AATF: variants seen among roughly 807,000 people sequenced by gnomAD.
AATF encodes the protein protein AATF.
A neutral mutation model predicts 63.7 loss-of-function variants in AATF; 48 were observed. The ratio of observed to expected loss-of-function variants is 0.75; its 90% CI spans 0.60 to 0.96. The LOEUF (loss-of-function observed/expected upper bound fraction) is 0.96, where lower values mean the gene tolerates loss of function less well. Ranked by LOEUF, AATF falls within the 40% of genes least tolerant of loss-of-function variation. AATF has a pLI of 0.00. For missense variants in AATF, 639 were observed against 685.7 expected (o/e 0.93, Z 0.76); for synonymous variants, 258 against 247.7 (o/e 1.04, Z -0.39).
intron 11 of AATF, among the ~76,000 whole-genome samples, chr17:37,051,689 G>GACACACACACAC (rs1447795733): frequency 2.3e-4 from 27 of 118,492 alleles, no homozygotes; most frequent in African/African-American, 7.2e-4. Flanking sequence ...CAGACAGACA[G>GACACACACACAC]ACAGACAGAC....
chr17:37,046,761 ACACACACACGCATG>A (rs1414222503), intron 11 of AATF, among the ~76,000 whole-genome samples: 17 of 151,518 alleles, frequency 1.1e-4, no homozygotes, highest in Non-Finnish European at 2.1e-4. Context: ...ACACACACAC[ACACACACACGCATG>A]CACACACGCC....
chr17:37,031,599 T>C lies in AATF; in HGVS notation c.1548-15T>C, dbSNP rs1242997364. 6.2e-7 allele frequency: 1 copy of C among 1,612,152 alleles called. No individual in the cohort carries two copies. The highest frequency in any genetic ancestry group is 1.7e-5 in the Admixed American group (1 of 60,032). ...GTTACTAATGTTGCTGCCTGTTGCT[T>C]CCTGCTTTATTTAGGTTTCATGTCC... On this transcript the variant is annotated splice_polypyrimidine_tract_variant and intron_variant, in intron 10 of 11. Transcript: ENST00000619387.
intron 2 of AATF, 44 bp from the exon 3 acceptor site, chr17:36,952,842 C>T: frequency 6.3e-7 from 1 of 1,581,952 alleles, no homozygotes; most frequent in Non-Finnish European, 8.6e-7. Flanking sequence ...GTATTTTCTC[C>T]AGGTAATACC....
At chr17:37,056,502 C>A (rs754393693) in intron 11 of AATF, 99 bp from the exon 12 acceptor site, 10 of 1,240,840 alleles carry the variant, frequency 8.1e-6, no homozygotes, top group Non-Finnish European at 1.2e-5. Context: ...GTGTTTTCAA[C>A]AGAAGAAACA....
chr17:36,991,797 G>A (rs2071217602), intron 8 of AATF, among the ~76,000 whole-genome samples: 1 of 152,090 alleles, frequency 6.6e-6, no homozygotes, highest in Admixed American at 6.5e-5. Flanking sequence ...GTGTTAGCCA[G>A]GAGGGTCTCA....
intron 8 of AATF, among the ~76,000 whole-genome samples, chr17:37,004,367 A>C (rs972832474): frequency 1.3e-5 from 2 of 152,160 alleles, no homozygotes; most frequent in African/African-American, 4.8e-5. Flanking sequence ...AATTGGAGAC[A>C]GTGAGTATAG....
At chr17:36,998,333 A>T (rs998167904) in intron 8 of AATF, among the ~76,000 whole-genome samples, 5 of 152,242 alleles carry the variant, frequency 3.3e-5, no homozygotes, top group Admixed American at 3.3e-4. Context: ...CAAGTGCAGA[A>T]AATGGAGCCT....
chr17:37,015,701 G>C (rs994802159), intron 8 of AATF, among the ~76,000 whole-genome samples: 1 of 152,124 alleles, frequency 6.6e-6, no homozygotes, highest in Admixed American at 6.5e-5. Context: ...TTTGGGGGTG[G>C]GAGGGCAGAC....
chr17:37,020,196 GT>G (rs112486771), intron 9 of AATF, among the ~76,000 whole-genome samples: 2,531 of 151,702 alleles, frequency 0.017, 83 homozygotes, highest in African/African-American at 0.057. Context: ...TGTGAATCTT[GT>G]TTGGATTCTG....
At chr17:37,018,317 T>A (rs2071443203) in intron 8 of AATF, among the ~76,000 whole-genome samples, 1 of 152,228 alleles carries the variant, frequency 6.6e-6, no homozygotes, top group Non-Finnish European at 1.5e-5. Context: ...TCATTTAGAA[T>A]AACTCCCATG....
At chr17:37,041,250 TAATC>T (rs1206992218) in intron 11 of AATF, among the ~76,000 whole-genome samples, 5 of 152,224 alleles carry the variant, frequency 3.3e-5, no homozygotes, top group African/African-American at 1.2e-4. Context: ...AATAACCTAA[TAATC>T]TATTATGGAA....
chr17:36,957,600 C>T (rs2070912487), intron 4 of AATF, among the ~76,000 whole-genome samples: 1 of 152,220 alleles, frequency 6.6e-6, no homozygotes, highest in African/African-American at 2.4e-5. Flanking sequence ...CTATACCCAG[C>T]TACTACCTCC....
intron 8 of AATF, among the ~76,000 whole-genome samples, chr17:37,017,349 C>T (rs1234037093): frequency 3.3e-5 from 5 of 152,002 alleles, no homozygotes; most frequent in Admixed American, 3.3e-4. Flanking sequence ...ATTAACCACT[C>T]CCCCTCACTC....
chr17:36,988,285 C>T (rs1300641888), intron 5 of AATF, among the ~76,000 whole-genome samples: 1 of 152,088 alleles, frequency 6.6e-6, no homozygotes, highest in African/African-American at 2.4e-5. Flanking sequence ...CACTGCACTC[C>T]AGCCTGGGCA....
intron 8 of AATF, among the ~76,000 whole-genome samples, chr17:37,000,395 G>A (rs941904725): frequency 9.2e-5 from 14 of 152,154 alleles, no homozygotes; most frequent in Admixed American, 8.5e-4. Context: ...AGCTAGTTTG[G>A]AAGATAAATC....
intron 1 of AATF, among the ~76,000 whole-genome samples, chr17:36,949,796 A>G (rs1408417933): frequency 2.0e-5 from 3 of 152,192 alleles, no homozygotes; most frequent in Admixed American, 6.5e-5. Flanking sequence ...GATAATAAGG[A>G]GGGATAAATG....
chr17:36,972,004 A>G (rs2071043059), intron 4 of AATF, among the ~76,000 whole-genome samples: 1 of 152,144 alleles, frequency 6.6e-6, no homozygotes, highest in Non-Finnish European at 1.5e-5. Context: ...CCTGTTTTCC[A>G]CAGTGGCTCT....
intron 4 of AATF, among the ~76,000 whole-genome samples, chr17:36,957,482 A>C (rs975885319): frequency 6.6e-5 from 10 of 152,230 alleles, no homozygotes; most frequent in African/African-American, 2.4e-4. Context: ...TCTTTATATA[A>C]TTTAAATTAA....
At chr17:36,998,832 A>G (rs759251432) in intron 8 of AATF, 8 of 152,268 alleles carry the variant, frequency 5.3e-5, no homozygotes, top group Non-Finnish European at 8.8e-5. Context: ...GTGAATATCT[A>G]TGCAGTCACA....
Sources: gnomAD v4.1 joint callset for allele counts (sites outside exome capture counted in the v4.1 genomes callset) on GRCh38, gnomAD v4.1.1 for gene constraint, MANE v1.5 for transcripts, NCBI Gene and HGNC (gene_info 2026-07-23, HGNC 2026-07-21) for gene names.